The following SLC3A2 variants were observed in gnomAD, a reference collection of about 807,000 sequenced individuals.
SLC3A2 encodes solute carrier family 3 member 2.
SLC3A2 carries 32 observed loss-of-function variants against 48.5 expected under a neutral mutation model. The observed-to-expected ratio is 0.66, with a 90% confidence interval of 0.50 to 0.89. The LOEUF (loss-of-function observed/expected upper bound fraction) is 0.89. SLC3A2 is among the 40% of genes least tolerant of loss of function. SLC3A2 has a pLI of 0.00. For missense variants in SLC3A2, 587 were observed against 680.7 expected, an observed-to-expected ratio of 0.86 and a Z score of 1.53; for synonymous variants, 277 against 288.8, an observed-to-expected ratio of 0.96 and a Z score of 0.41.
chr11:62,888,543 C>A lies in SLC3A2; in HGVS notation c.1440C>A (p.Ser480=). Residue 480 remains serine, a synonymous_variant, in exon 9 of 9, where the codon TCC becomes TCA. Transcript: ENST00000338663. ...GCCTCTCGGCTGGACTGCAGGCCTC[C>A]GACCTGCCTGCCAGCGCCAGCCTGC... ...DVGLSAGLQA[S]DLPASASLPA... is the part of the protein sequence containing the mutation. The A allele has an allele frequency of 6.2e-7, 1 of 1,614,122 alleles. No individual in the cohort carries two copies. The highest frequency in any genetic ancestry group is 8.5e-7 in the Non-Finnish European group (1 of 1,180,020).
At chr11:62,873,590 G>A (rs908279770) in intron 1 of SLC3A2, among the ~76,000 whole-genome samples, 4 of 151,990 alleles carry the variant, frequency 2.6e-5, no homozygotes, top group Non-Finnish European at 5.9e-5. Context: ...GCCTTGCAAA[G>A]TGCTGGGAGT....
At chr11:62,884,240 A>G in intron 3 of SLC3A2, 1 of 609,786 alleles carries the variant, frequency 1.6e-6, no homozygotes, top group South Asian at 1.9e-5. Context: ...AATGAGAAGT[A>G]AAATGCTGTA....
In SLC3A2 at chr11:62,885,655, T is replaced by C; in HGVS notation, c.1143+47T>C. ...TCACAGGGAGGTTGTTTATCCATCT[T>C]ACAATGATGATTCTGGGGATGGCGG... On this transcript the variant is annotated intron_variant, in intron 7 of 8. Transcript: ENST00000338663. The C allele has an allele frequency of 1.4e-5, 23 of 1,599,960 alleles. 1 individual carries two copies. Among genetic ancestry groups the C allele is most frequent in the Non-Finnish European group, 1.9e-5 (22 of 1,170,148 alleles).
intron 1 of SLC3A2, among the ~76,000 whole-genome samples, chr11:62,874,563 G>A (rs887792668): frequency 2.0e-5 from 3 of 152,036 alleles, no homozygotes; most frequent in African/African-American, 7.2e-5. Context: ...TCACCCTTTA[G>A]TAAGACAACC....
At chr11:62,857,108 C>T (rs1278706938) in intron 1 of SLC3A2, among the ~76,000 whole-genome samples, 1 of 151,726 alleles carries the variant, frequency 6.6e-6, no homozygotes, top group Non-Finnish European at 1.5e-5. Flanking sequence ...CAGGCGTGAG[C>T]CACCGCGCCC....
At chr11:62,862,561 T>G (rs1292240724) in intron 1 of SLC3A2, among the ~76,000 whole-genome samples, 1 of 151,950 alleles carries the variant, frequency 6.6e-6, no homozygotes, top group East Asian at 1.9e-4. Flanking sequence ...TCACCCACAG[T>G]CAACTCCCTG....
chr11:62,876,824 A>T (rs1170017505), upstream of SLC3A2: 6 of 712,292 alleles, frequency 8.4e-6, no homozygotes, highest in South Asian at 8.5e-5. Flanking sequence ...CTGATATTGA[A>T]TTCCTGACCT....
intron 1 of SLC3A2, among the ~76,000 whole-genome samples, chr11:62,865,889 G>T (rs548575193): frequency 6.6e-6 from 1 of 152,064 alleles, no homozygotes; most frequent in African/African-American, 2.4e-5. Context: ...ATACTTCCCC[G>T]TATATCTTGA....
At chr11:62,869,781 T>G (rs2085491995) in intron 1 of SLC3A2, among the ~76,000 whole-genome samples, 1 of 151,534 alleles carries the variant, frequency 6.6e-6, no homozygotes, top group South Asian at 2.1e-4. Flanking sequence ...TTTATTCTTT[T>G]GTGTATTTTT....
chr11:62,881,497 C>T lies in SLC3A2; in HGVS notation c.424+50C>T, dbSNP rs749136199. The T allele has an allele frequency of 1.3e-5, 20 of 1,509,138 alleles. No homozygotes were observed. In the South Asian group the frequency reaches 2.4e-4, roughly 18 times the overall value. 93.5% of individuals were successfully genotyped at this position (1,509,138 alleles called of 1,614,324 possible). A position where few individuals can be genotyped will look rare whatever the true frequency, so the allele number is the denominator to read the frequency against. ...GGGTACCTCCGGTTGAATCTGGTGG[C>T]TTGCACCGACCCCCTCCCCTGTCCC... On this transcript the variant is annotated intron_variant, in intron 1 of 8. Transcript: ENST00000338663. This position sits in a 1 kb window ranked among gnomAD's most constrained non-coding sequence, Gnocchi z 4.0.
Position 62,885,296 on chromosome 11 carries a change from A to G in SLC3A2, c.938A>G (p.His313Arg). ...YLSDSGSTGE[H>R]TKSLVTQYLN... ...TCTGATTCTGGTTCTACTGGGGAGC[A>G]TACAAAATCCCTAGTCACACAGTAT... The change falls in exon 6 of 9, where the codon CAT becomes CGT. Residue 313 changes from histidine (H) to arginine (R), a missense_variant. Around this residue, in one of 3 missense-constraint regions of SLC3A2, gnomAD observed 409 missense variants for 446.7 expected, o/e 0.92. Coordinates refer to ENST00000338663, the MANE Select transcript of SLC3A2 (RefSeq NM_001013251.3). 1.2e-6 allele frequency: 2 copies of G among 1,614,212 alleles called. No individual in the cohort carries two copies. Among genetic ancestry groups the G allele is most frequent in the Non-Finnish European group, 8.5e-7 (1 of 1,180,036 alleles).
At chr11:62,882,651 AT>A in intron 2 of SLC3A2, 1 of 413,234 alleles carries the variant, frequency 2.4e-6, no homozygotes, top group Non-Finnish European at 4.6e-6. Context: ...CACCCAGATA[AT>A]TTTTTTATTT....
Position 62,866,618 on chromosome 11 carries a change from GCTC to G in SLC3A2, c.112+10240_112+10242del, listed in dbSNP as rs2085455671. ...ACCATGTTGGCCAGGTTGATTGCAA[GCTC>G]CTGACCTCAGGTGATCCGCCCTCCG... On this transcript the variant is annotated intron_variant, in intron 1 of 9. Transcript: ENST00000377889. Among the ~76,000 whole-genome samples the G allele has an allele frequency of 1.3e-5, 2 of 151,820 alleles. 1 individual carries two copies. The highest frequency in any genetic ancestry group is 4.2e-4 in the South Asian group (2 of 4,814).
chr11:62,868,704 C>T (rs555393439), intron 1 of SLC3A2, among the ~76,000 whole-genome samples: 93 of 152,204 alleles, frequency 6.1e-4, no homozygotes, highest in African/African-American at 2.1e-3. Context: ...AAATTGCTCT[C>T]CTAGAACGGA....
chr11:62,859,290 C>A (rs187513522), intron 1 of SLC3A2, among the ~76,000 whole-genome samples: 8 of 152,090 alleles, frequency 5.3e-5, no homozygotes, highest in Non-Finnish European at 1.0e-4. Flanking sequence ...CATCTCGCAC[C>A]GCCCTTAATC....
At chr11:62,871,814 C>T in intron 1 of SLC3A2, 1 of 356,170 alleles carries the variant, frequency 2.8e-6, no homozygotes, top group South Asian at 9.9e-5. Flanking sequence ...ACAAAGTTCT[C>T]ACCACCAGAT....
intron 5 of SLC3A2, 145 bp from the exon 6 acceptor site, chr11:62,885,032 T>C: frequency 1.2e-6 from 1 of 821,180 alleles, no homozygotes; most frequent in South Asian, 1.7e-5. Flanking sequence ...GGTTTCTCCA[T>C]GTTGGTCAAG....
intron 3 of SLC3A2, chr11:62,884,048 C>T (rs1445977428): frequency 2.2e-6 from 1 of 460,450 alleles, no homozygotes. Context: ...GTCTGCTGCT[C>T]ACTGATTATG....
At chr11:62,884,794 AC>A in intron 5 of SLC3A2, 104 bp downstream of exon 5, 2 of 299,946 alleles carry the variant, frequency 6.7e-6, no homozygotes, top group South Asian at 1.0e-4. Context: ...CATTTTCTTT[AC>A]CTTTATTCTT....
Sources: gnomAD v4.1 joint callset for allele counts (sites outside exome capture counted in the v4.1 genomes callset) on GRCh38, gnomAD v4.1.1 for gene constraint, gnomAD v4.1.1 regional missense constraint, Gnocchi (gnomAD v3.1) non-coding constraint, MANE v1.5 for transcripts, NCBI Gene and HGNC (gene_info 2026-07-23, HGNC 2026-07-21) for gene names.